COL5A3: variants seen among roughly 807,000 people sequenced by gnomAD.
COL5A3 encodes collagen alpha-3(V) chain.
In COL5A3, 172 loss-of-function variants were observed where a neutral mutation model predicts 250.0. The ratio of observed to expected loss-of-function variants is 0.69; its 90% CI spans 0.61 to 0.78. COL5A3 has a LOEUF of 0.78. Among genes scored for constraint, COL5A3 ranks in the 30% least tolerant of loss-of-function variants. The pLI, the probability that COL5A3 is intolerant of heterozygous loss-of-function variation, is 0.00. For missense variants in COL5A3, 2,340 were observed against 2,334.4 expected (o/e 1.00, Z -0.05); for synonymous variants, 937 against 900.4 (o/e 1.04, Z -0.73).
intron 5 of COL5A3, 26 bp downstream of exon 5, chr19:10,004,015 T>C: frequency 6.5e-7 from 1 of 1,542,582 alleles, no homozygotes; most frequent in Non-Finnish European, 9.0e-7. Flanking sequence ...GTCCTGAGAT[T>C]AGGAGTCATG....
chr19:10,009,970 C>T lies in COL5A3; in HGVS notation c.88+328G>A, dbSNP rs1442287740. 1.3e-5 allele frequency among the ~76,000 whole-genome samples: 2 copies of T among 152,130 alleles called. No individual in the cohort carries two copies. Among genetic ancestry groups the T allele is most frequent in the Non-Finnish European group, 2.9e-5 (2 of 68,028 alleles). On this transcript the variant is annotated intron_variant, in intron 1 of 66. Transcript: ENST00000264828. The surrounding 1 kb of genome is among the most constrained non-coding windows in gnomAD (Gnocchi z 4.4). ...CTGTCACTCACAGTCACACTATCACCATCAACCTCCACACGCAAGCACATA... is the reference window on the plus strand; with the variant it reads ...CTGTCACTCACAGTCACACTATCACTATCAACCTCCACACGCAAGCACATA...
intron 16 of COL5A3, among the ~76,000 whole-genome samples, chr19:9,994,694 C>T (rs116330148): frequency 6.7e-6 from 1 of 148,432 alleles, no homozygotes; most frequent in South Asian, 2.1e-4. Flanking sequence ...ATAGAATGCA[C>T]TTACACAACT....
In COL5A3 at chr19:10,010,438, G is replaced by T; in HGVS notation, c.-53C>A. Reference sequence around the variant, plus strand: ...GAACCAGTCGGGGCGGCTGCGGGGCGCGGCGACTTCTCGGGCTCGGTGCAG... The same window carrying T: ...GAACCAGTCGGGGCGGCTGCGGGGCTCGGCGACTTCTCGGGCTCGGTGCAG... On this transcript the variant is annotated 5_prime_UTR_variant, in exon 1 of 67. Coordinates refer to ENST00000264828, the MANE Select transcript of COL5A3 (RefSeq NM_015719.4). 8.1e-7 allele frequency: 1 copy of T among 1,227,278 alleles called. No homozygotes were observed. The highest frequency in any genetic ancestry group is 1.1e-6 in the Non-Finnish European group (1 of 945,792). 76.0% of individuals were successfully genotyped at this position (1,227,278 alleles called of 1,614,324 possible).
In COL5A3 at chr19:9,968,455, C is replaced by T; in HGVS notation, c.4244G>A (p.Gly1415Glu). The T allele has an allele frequency of 2.5e-6, 4 of 1,588,002 alleles. No individual in the cohort carries two copies. The highest frequency in any genetic ancestry group is 1.2e-5 in the South Asian group (1 of 86,564). The part of the protein sequence containing the change: ...IGLIGLIGPP[G>E]EAGEKGDQGL... The stretch of plus-strand genomic sequence containing the variant: ...CTGATCTCCTTTCTCACCAGCTTCT[C>T]CCGGGGGGCCAATGAGACCGATCAA... Residue 1415 changes from glycine (G) to glutamate (E), a missense_variant, in exon 59 of 67, where the codon GGA (glycine) becomes GAA (glutamate). Physicochemically the swap from Gly to Glu is moderately conservative, Grantham distance 98 (BLOSUM62 -2). Coordinates refer to ENST00000264828, the MANE Select transcript of COL5A3 (RefSeq NM_015719.4). This position sits in a 1 kb window ranked among gnomAD's most constrained non-coding sequence, Gnocchi z 4.1.
intron 31 of COL5A3, among the ~76,000 whole-genome samples, chr19:9,984,629 GTCA>G (rs752527435): frequency 2.6e-4 from 39 of 152,020 alleles, no homozygotes; most frequent in Non-Finnish European, 4.6e-4. Flanking sequence ...TATAATCATT[GTCA>G]TCATCAGCAT....
Position 10,001,863 on chromosome 19 carries a change from T to C in COL5A3, c.868A>G (p.Lys290Glu). 1 of 1,613,776 alleles carries C rather than the reference T, an allele frequency of 6.2e-7. No homozygotes were observed. Among genetic ancestry groups the C allele is most frequent in the African/African-American group, 1.3e-5 (1 of 74,932 alleles). ...AENQTSTDIP[K>E]TETPAPNLPP... ...AGATTTGGAGCTGGAGTCTCTGTCT[T>C]GGGGATGTCAGTGGAGGTCTGGAGC... Residue 290 changes from lysine to glutamate, a missense_variant, in exon 7 of 67, where the codon AAG becomes GAG. Lys to Glu is a moderately conservative substitution (Grantham distance 56). Transcript: ENST00000264828.
chr19:9,992,993 G>T (rs1244352737), intron 20 of COL5A3, 30 bp downstream of exon 20: 1 of 1,612,134 alleles, frequency 6.2e-7, no homozygotes, highest in African/African-American at 1.3e-5. Flanking sequence ...CCTGCACCAA[G>T]CAAGGGGCCC....
At position 9,968,138 on chromosome 19, in the gene COL5A3, C is replaced by T. The variant is rs923576189; in HGVS notation, c.4315-59G>A. 6 of 1,476,784 alleles carry T rather than the reference C, an allele frequency of 4.1e-6. No individual in the cohort carries two copies. In the Admixed American group the frequency reaches 1.3e-4, roughly 32 times the overall value. The allele number at this position is 1,476,784 out of a possible 1,614,324, so 91.5% of individuals were successfully genotyped here. On this transcript the variant is annotated intron_variant, in intron 59 of 66. Transcript: ENST00000264828. The surrounding 1 kb of genome is among the most constrained non-coding windows in gnomAD (Gnocchi z 4.1). ...GTACACCCTATTGCCCTGACACATC[C>T]CCCAGACAAGCCTTCAATCCTACCA...
intron 41 of COL5A3, 34 bp from the exon 42 acceptor site, chr19:9,977,735 C>T (rs1459990287): frequency 6.8e-7 from 1 of 1,475,068 alleles, no homozygotes; most frequent in African/African-American, 1.4e-5. Flanking sequence ...GGTATAATAC[C>T]AGTAGTAGCT....
intron 8 of COL5A3, among the ~76,000 whole-genome samples, chr19:9,998,888 T>C (rs1490869018): frequency 2.6e-5 from 4 of 152,004 alleles, no homozygotes; most frequent in Non-Finnish European, 4.4e-5. Context: ...TTTCACCATG[T>C]TGGTTAGGCT....
At chr19:9,992,545 T>C (rs1406205694) in intron 21 of COL5A3, among the ~76,000 whole-genome samples, 1 of 151,718 alleles carries the variant, frequency 6.6e-6, no homozygotes, top group Non-Finnish European at 1.5e-5. Context: ...ATCCCAGCAC[T>C]TTGGGAGGAC....
At chr19:9,995,306 G>A (rs1466489121) in intron 16 of COL5A3, among the ~76,000 whole-genome samples, 1 of 152,166 alleles carries the variant, frequency 6.6e-6, no homozygotes, top group African/African-American at 2.4e-5. Context: ...TTGCCGTGCT[G>A]TTTCTTCCAC....
chr19:10,004,804 C>G (rs1238644598), intron 4 of COL5A3, among the ~76,000 whole-genome samples: 1 of 152,194 alleles, frequency 6.6e-6, no homozygotes, highest in Non-Finnish European at 1.5e-5. Context: ...CACAACCACA[C>G]AACACAGCTG....
chr19:9,988,709 C>T (rs776028424), intron 27 of COL5A3, among the ~76,000 whole-genome samples: 13 of 151,256 alleles, frequency 8.6e-5, no homozygotes, highest in Non-Finnish European at 1.9e-4. Context: ...TGCATGCCTG[C>T]AGTCCCAGCT....
chr19:9,974,497 T>G lies in COL5A3; in HGVS notation c.3343-89A>C. 9.1e-6 allele frequency: 9 copies of G among 989,440 alleles called. No homozygotes were observed. The South Asian group carries it at 1.6e-4, about 18-fold the overall frequency. 61.3% of individuals were successfully genotyped at this position (989,440 alleles called of 1,614,324 possible). A position where few individuals can be genotyped will look rare whatever the true frequency, so the allele number is the denominator to read the frequency against. On this transcript the variant is annotated intron_variant, in intron 45 of 66. Coordinates refer to ENST00000264828, the MANE Select transcript of COL5A3 (RefSeq NM_015719.4). ...CAAGGGTCAAGACTGAGGTTAAGGGTTGGAGTCAGGGTTCAGATTAAGTTT... is the reference window on the plus strand; with the variant it reads ...CAAGGGTCAAGACTGAGGTTAAGGGGTGGAGTCAGGGTTCAGATTAAGTTT...
Position 9,986,574 on chromosome 19 carries a change from A to G in COL5A3, c.2223T>C (p.Asp741=), listed in dbSNP as rs762684829. The change falls in exon 29 of 67, where the codon GAT becomes GAC. Residue 741 remains aspartate (D), a synonymous_variant. Coordinates refer to ENST00000264828, the MANE Select transcript of COL5A3 (RefSeq NM_015719.4). ...GEDGFPGFKG[D]VGLKGDQGKP... ...TTACCTGATCACCTTTGAGCCCCAC[A>G]TCGCCCTTGAAGCCTGGGAAGCCGT... 5 of 1,613,380 alleles carry G rather than the reference A, an allele frequency of 3.1e-6. No individual in the cohort carries two copies. The highest frequency in any genetic ancestry group is 2.2e-5 in the East Asian group (1 of 44,844).
chr19:9,994,823 A>G lies in COL5A3; in HGVS notation c.1587+741T>C, dbSNP rs542347193. 1.4e-4 allele frequency among the ~76,000 whole-genome samples: 22 copies of G among 151,852 alleles called. No individual in the cohort carries two copies. In the South Asian group the frequency reaches 4.4e-3, roughly 30 times the overall value. On this transcript the variant is annotated intron_variant, in intron 16 of 66. Transcript: ENST00000264828. ...TCACAGGCAATTGTAACACTATAGT[A>G]AGTATTTGTATGTCTAAACACATCC...
intron 62 of COL5A3, among the ~76,000 whole-genome samples, 166 bp from the exon 63 acceptor site, chr19:9,966,912 G>A (rs560024591): frequency 6.6e-6 from 1 of 152,152 alleles, no homozygotes; most frequent in Non-Finnish European, 1.5e-5. Context: ...TAAGCAGACA[G>A]GGAGAGACAC....
intron 45 of COL5A3, among the ~76,000 whole-genome samples, chr19:9,975,362 G>A (rs2086904755): frequency 6.6e-6 from 1 of 152,150 alleles, no homozygotes; most frequent in African/African-American, 2.4e-5. Context: ...TTACAGGCAT[G>A]AGCCACCGCA....
Sources: gnomAD v4.1 joint callset for allele counts (sites outside exome capture counted in the v4.1 genomes callset) on GRCh38, gnomAD v4.1.1 for gene constraint, Gnocchi (gnomAD v3.1) non-coding constraint, MANE v1.5 for transcripts, NCBI Gene and HGNC (gene_info 2026-07-23, HGNC 2026-07-21) for gene names.